Variants in ST3GAL3 observed in about 807,000 individuals in gnomAD.
The protein encoded by ST3GAL3 is ST3 beta-galactoside alpha-2,3-sialyltransferase 3, also known as CMP-N-acetylneuraminate-beta-1,4-galactoside alpha-2,3-sialyltransferase.
ST3GAL3 carries 21 observed loss-of-function variants against 50.1 expected under a neutral mutation model. The ratio of observed to expected loss-of-function variants is 0.42; its 90% CI spans 0.30 to 0.60. The LOEUF is 0.60. Ranked by LOEUF, ST3GAL3 falls within the 20% of genes least tolerant of loss-of-function variation. ST3GAL3 has a pLI of 0.19. For missense variants in ST3GAL3, 353 were observed against 489.4 expected (o/e 0.72, Z 2.63); for synonymous variants, 183 against 190.0 (o/e 0.96, Z 0.30).
At chr1:43,886,837 G>C (rs970780118) in intron 5 of ST3GAL3, among the ~76,000 whole-genome samples, 1 of 152,158 alleles carries the variant, frequency 6.6e-6, no homozygotes, top group Non-Finnish European at 1.5e-5. Flanking sequence ...AGGACGCTTT[G>C]TCGAATTTGT....
At chr1:43,930,066 G>C in intron 11 of ST3GAL3, 66 bp from the exon 12 acceptor site, 2 of 1,400,630 alleles carry the variant, frequency 1.4e-6, no homozygotes, top group South Asian at 1.2e-5. Flanking sequence ...AGAAGGCACC[G>C]AGCCCTGGAA....
At chr1:43,880,059 G>C (rs1195350128) in intron 5 of ST3GAL3, among the ~76,000 whole-genome samples, 1 of 152,176 alleles carries the variant, frequency 6.6e-6, no homozygotes, top group Non-Finnish European at 1.5e-5. Flanking sequence ...AATTGGTCTG[G>C]TTGGCCCTGG....
intron 1 of ST3GAL3, among the ~76,000 whole-genome samples, chr1:43,713,032 A>G (rs1476156754): frequency 6.6e-6 from 1 of 152,188 alleles, no homozygotes; most frequent in Non-Finnish European, 1.5e-5. Flanking sequence ...GTGAATAGCT[A>G]TTTCCCTCAC....
intron 6 of ST3GAL3, among the ~76,000 whole-genome samples, chr1:43,897,185 T>C (rs1461490976): frequency 6.6e-6 from 1 of 152,026 alleles, no homozygotes; most frequent in East Asian, 1.9e-4. Flanking sequence ...CTGGAGCAAG[T>C]GTGTGACTTT....
At position 43,920,400 on chromosome 1, in the gene ST3GAL3, A is replaced by T; in HGVS notation, c.745-4A>T. ...GTTGAGGCCCGCTTTTGCTGTGTCC[A>T]CAGAGTGCATCGGATGGCTTCTGGA... On this transcript the variant is annotated splice_region_variant and splice_polypyrimidine_tract_variant and intron_variant, in intron 9 of 11. Coordinates refer to ENST00000347631, the MANE Select transcript of ST3GAL3 (RefSeq NM_006279.5). 6.2e-7 allele frequency: 1 copy of T among 1,613,924 alleles called. No homozygotes were observed. Among genetic ancestry groups the T allele is most frequent in the African/African-American group, 1.3e-5 (1 of 74,964 alleles).
chr1:43,879,176 C>T (rs1019820735), intron 5 of ST3GAL3: 11 of 442,828 alleles, frequency 2.5e-5, no homozygotes, highest in Middle Eastern at 3.4e-4. Context: ...GATGCAGAGC[C>T]GTTGTGGAAA....
intron 2 of ST3GAL3, among the ~76,000 whole-genome samples, chr1:43,759,017 G>A (rs72678674): frequency 0.18 from 26,626 of 151,018 alleles, 3,184 homozygotes; most frequent in Non-Finnish European, 0.25. Flanking sequence ...GCCCTCCAGC[G>A]TGGGCAACAG....
At chr1:43,721,547 G>A (rs1008359124) in intron 1 of ST3GAL3, among the ~76,000 whole-genome samples, 57 of 151,468 alleles carry the variant, frequency 3.8e-4, no homozygotes, top group African/African-American at 1.2e-3. Context: ...CAGGTGATCC[G>A]CCCGCCTCAG....
At chr1:43,729,350 G>C (rs1028442936) in intron 1 of ST3GAL3, among the ~76,000 whole-genome samples, 1 of 152,118 alleles carries the variant, frequency 6.6e-6, no homozygotes, top group South Asian at 2.1e-4. Context: ...AAAGTACGGG[G>C]ATTACAGGTG....
intron 3 of ST3GAL3, among the ~76,000 whole-genome samples, chr1:43,805,735 C>CA (rs1188398422): frequency 1.3e-5 from 2 of 151,958 alleles, no homozygotes; most frequent in Non-Finnish European, 2.9e-5. Context: ...GAACGCTCTT[C>CA]TTTTTTTTCT....
chr1:43,736,029 A>T (rs1678260511), intron 1 of ST3GAL3, among the ~76,000 whole-genome samples: 1 of 152,134 alleles, frequency 6.6e-6, no homozygotes, highest in Non-Finnish European at 1.5e-5. Flanking sequence ...AGCAAAGATG[A>T]TTGCTGCTTT....
At chr1:43,857,556 T>C (rs1322231990) in intron 5 of ST3GAL3, among the ~76,000 whole-genome samples, 5 of 93,908 alleles carry the variant, frequency 5.3e-5, no homozygotes, top group African/African-American at 1.1e-4. Context: ...CCTTCCTTCC[T>C]TTCCTTCCTT....
intron 1 of ST3GAL3, chr1:43,708,135 C>T (rs1005056895): frequency 6.6e-6 from 1 of 152,294 alleles, no homozygotes; most frequent in African/African-American, 2.4e-5. Flanking sequence ...GAACTGGGGT[C>T]AGTTTGATCG....
chr1:43,889,513 A>G (rs1045258918), intron 5 of ST3GAL3, among the ~76,000 whole-genome samples: 3 of 152,254 alleles, frequency 2.0e-5, no homozygotes, highest in Non-Finnish European at 2.9e-5. Flanking sequence ...CAGCAGAATT[A>G]TTTCAACTGG....
intron 5 of ST3GAL3, among the ~76,000 whole-genome samples, chr1:43,876,497 T>C (rs1473660944): frequency 6.6e-6 from 1 of 152,132 alleles, no homozygotes; most frequent in East Asian, 1.9e-4. Context: ...ATTCAGTCCA[T>C]AGAGGCCATC....
intron 9 of ST3GAL3, among the ~76,000 whole-genome samples, chr1:43,918,232 C>T (rs2082413164): frequency 6.6e-6 from 1 of 151,410 alleles, no homozygotes; most frequent in South Asian, 2.1e-4. Context: ...AGTCCTCCCA[C>T]CTCAGCCTCC....
chr1:43,837,546 T>G (rs1321052131), intron 4 of ST3GAL3, among the ~76,000 whole-genome samples: 2 of 152,100 alleles, frequency 1.3e-5, no homozygotes, highest in African/African-American at 4.8e-5. Context: ...ACAAGGAAGG[T>G]GGAAAGGCCA....
intron 2 of ST3GAL3, among the ~76,000 whole-genome samples, chr1:43,756,100 C>CAAAAAAAAAAAAAAAAAAAAAA (rs139101819): frequency 5.5e-5 from 4 of 72,086 alleles, no homozygotes; most frequent in Admixed American, 1.8e-4. Flanking sequence ...GAACCAGTCT[C>CAAAAAAAAAAAAAAAAAAAAAA]AAAAAAAAAA....
chr1:43,870,914 C>T (rs1332966527), intron 5 of ST3GAL3, among the ~76,000 whole-genome samples: 3 of 152,182 alleles, frequency 2.0e-5, no homozygotes, highest in African/African-American at 7.2e-5. Context: ...GTGGCAGCCA[C>T]CTGTCTGCTT....
Sources: allele counts gnomAD v4.1 joint callset (sites outside exome capture counted in the v4.1 genomes callset), GRCh38; gene constraint gnomAD v4.1.1; transcripts MANE v1.5; gene names NCBI Gene and HGNC (gene_info 2026-07-23, HGNC 2026-07-21).